The following TRAPPC9 variants were observed in gnomAD, a reference collection of about 807,000 sequenced individuals.
TRAPPC9 encodes the protein trafficking protein particle complex subunit 9, also known as IKK2 binding protein.
A neutral mutation model predicts 124.0 loss-of-function variants in TRAPPC9; 83 were observed. The ratio of observed to expected loss-of-function variants is 0.67; its 90% CI spans 0.56 to 0.80. The LOEUF is 0.80. TRAPPC9 is among the 30% of genes least tolerant of loss of function. The pLI is 0.00. For missense variants in TRAPPC9, 1,302 were observed against 1,508.3 expected (o/e 0.86, Z 2.27); for synonymous variants, 638 against 617.5 (o/e 1.03, Z -0.49).
chr8:140,317,634 A>AT (rs909845445), intron 9 of TRAPPC9, among the ~76,000 whole-genome samples: 25 of 151,732 alleles, frequency 1.6e-4, no homozygotes, highest in Admixed American at 1.3e-3. Context: ...TTCTGCTTTA[A>AT]TTTTTTTTTA....
intron 21 of TRAPPC9, among the ~76,000 whole-genome samples, chr8:139,764,663 A>G (rs1014980529): frequency 2.0e-5 from 3 of 152,054 alleles, no homozygotes; most frequent in East Asian, 3.9e-4. Flanking sequence ...CAGGCTCCAC[A>G]CTTAATGACC....
At chr8:140,305,509 C>T (rs959398403) in intron 10 of TRAPPC9, among the ~76,000 whole-genome samples, 1 of 152,148 alleles carries the variant, frequency 6.6e-6, no homozygotes, top group African/African-American at 2.4e-5. Context: ...GCTCTGTTGG[C>T]CAGGCTGGTC....
chr8:139,983,687 T>C (rs1050742210), intron 19 of TRAPPC9, among the ~76,000 whole-genome samples: 9 of 152,172 alleles, frequency 5.9e-5, no homozygotes, highest in Non-Finnish European at 4.4e-5. Context: ...TGGGTGAAGC[T>C]GGACTTTACG....
intron 17 of TRAPPC9, among the ~76,000 whole-genome samples, chr8:140,168,817 T>C (rs540629069): frequency 6.6e-6 from 1 of 152,310 alleles, no homozygotes; most frequent in African/African-American, 2.4e-5. Context: ...CCAAAATGAT[T>C]TTTCTCCACA....
At chr8:140,181,931 T>C (rs1373059526) in intron 17 of TRAPPC9, among the ~76,000 whole-genome samples, 2 of 152,174 alleles carry the variant, frequency 1.3e-5, no homozygotes, top group African/African-American at 2.4e-5. Context: ...AGGTTTCCTA[T>C]GGTAAATCTG....
chr8:140,287,840 A>G, intron 12 of TRAPPC9, 106 bp from the exon 13 acceptor site: 3 of 1,485,110 alleles, frequency 2.0e-6, no homozygotes, highest in African/African-American at 1.4e-5. Context: ...AACTGCTGGA[A>G]TAAAATCACC....
At chr8:140,232,712 A>G (rs940837690) in intron 16 of TRAPPC9, among the ~76,000 whole-genome samples, 1 of 152,174 alleles carries the variant, frequency 6.6e-6, no homozygotes, top group Non-Finnish European at 1.5e-5. Context: ...TCTTGTTTAT[A>G]CGTGTTACTC....
Position 140,233,615 on chromosome 8 carries a change from T to A in TRAPPC9, c.2432-12032A>T, listed in dbSNP as rs1413694192. On this transcript the variant is annotated intron_variant, in intron 16 of 22. Transcript: ENST00000438773. ...CGCTCTCTCCCTCCCTCCCTCCCTC[T>A]CTCCCCACCACACACACACACACAC... 3.4e-4 allele frequency among the ~76,000 whole-genome samples: 7 copies of A among 20,534 alleles called. No homozygotes were observed. The Admixed American group carries it at 5.0e-3, about 15-fold the overall frequency. The allele number at this position is 20,534 out of a possible 152,430, so 13.5% of individuals were successfully genotyped here.
Position 140,221,480 on chromosome 8 carries a change from T to G in TRAPPC9, c.2535A>C (p.Ala845=). 1 of 1,614,138 alleles carries G rather than the reference T, an allele frequency of 6.2e-7. No individual in the cohort carries two copies. The highest frequency in any genetic ancestry group is 8.5e-7 in the Non-Finnish European group (1 of 1,179,988). The part of the protein sequence containing the change: ...KPVNPPESNK[A]GDYSHVKTLE... ...TCACCTTCACGTGGCTGTAGTCGCC[T>G]GCTTTGTTGCTCTCGGGTGGGTTCA... Residue 845 remains alanine (A), a synonymous_variant, in exon 17 of 23, where the codon GCA becomes GCC. Coordinates refer to ENST00000438773, the MANE Select transcript of TRAPPC9 (RefSeq NM_001160372.4).
intron 19 of TRAPPC9, among the ~76,000 whole-genome samples, chr8:139,967,994 A>G (rs1342537831): frequency 2.0e-5 from 3 of 151,902 alleles, no homozygotes; most frequent in Non-Finnish European, 2.9e-5. Flanking sequence ...CAAAAAAATT[A>G]GCCAGGCATG....
intron 10 of TRAPPC9, among the ~76,000 whole-genome samples, chr8:140,307,232 T>C (rs1188880329): frequency 6.6e-6 from 1 of 152,196 alleles, no homozygotes; most frequent in Admixed American, 6.5e-5. Flanking sequence ...GCCACTCTGA[T>C]AGCACCTGGG....
At chr8:139,847,092 G>A (rs781077948) in intron 21 of TRAPPC9, among the ~76,000 whole-genome samples, 13 of 152,176 alleles carry the variant, frequency 8.5e-5, no homozygotes, top group African/African-American at 1.2e-4. Context: ...CTGTGGGTGC[G>A]CAGCAGGACA....
At chr8:139,900,602 ATG>A (rs998330803) in intron 20 of TRAPPC9, among the ~76,000 whole-genome samples, 60 of 152,318 alleles carry the variant, frequency 3.9e-4, no homozygotes, top group African/African-American at 1.4e-3. Context: ...AAATGTTTTC[ATG>A]TGTGCCATCT....
chr8:140,077,481 T>C (rs1409086236), intron 17 of TRAPPC9, among the ~76,000 whole-genome samples: 1 of 152,144 alleles, frequency 6.6e-6, no homozygotes, highest in Admixed American at 6.5e-5. Context: ...ACCAGATGCC[T>C]ACTCTCTAAG....
chr8:139,957,300 C>T (rs894688869), intron 19 of TRAPPC9, among the ~76,000 whole-genome samples: 8 of 152,236 alleles, frequency 5.3e-5, no homozygotes, highest in African/African-American at 1.9e-4. Flanking sequence ...ACTGAGGTGG[C>T]TGTCCTGGAC....
intron 19 of TRAPPC9, among the ~76,000 whole-genome samples, chr8:139,960,611 A>AAGGGAACAGATTCCCCCC (rs1835320106): frequency 1.4e-4 from 9 of 62,900 alleles, no homozygotes; most frequent in South Asian, 5.7e-4. Context: ...CCCAGCTGTC[A>AAGGGAACAGATTCCCCCC]AGTCTGGACT....
chr8:140,109,093 T>G (rs960204085), intron 17 of TRAPPC9, among the ~76,000 whole-genome samples: 1 of 152,086 alleles, frequency 6.6e-6, no homozygotes, highest in African/African-American at 2.4e-5. Flanking sequence ...TCTAGGTACA[T>G]GTTTGGATTT....
At chr8:139,874,881 A>T (rs1447634419) in intron 21 of TRAPPC9, among the ~76,000 whole-genome samples, 2 of 152,118 alleles carry the variant, frequency 1.3e-5, no homozygotes, top group Non-Finnish European at 1.5e-5. Flanking sequence ...CACGCGCATA[A>T]CCGGGGGCAG....
intron 7 of TRAPPC9, among the ~76,000 whole-genome samples, chr8:140,374,076 A>AT (rs1257655727): frequency 2.0e-5 from 3 of 152,244 alleles, no homozygotes; most frequent in African/African-American, 7.2e-5. Flanking sequence ...TCCTCATCTG[A>AT]GAAAAATCTT....
Sources: allele counts gnomAD v4.1 joint callset (sites outside exome capture counted in the v4.1 genomes callset), GRCh38; gene constraint gnomAD v4.1.1; transcripts MANE v1.5; gene names NCBI Gene and HGNC (gene_info 2026-07-23, HGNC 2026-07-21).